STAC: variants seen among roughly 807,000 people sequenced by gnomAD.
STAC encodes SH3 and cysteine-rich domain-containing protein.
Under a neutral mutation model 48.8 loss-of-function variants are expected in STAC, and 43 were observed. The ratio of observed to expected loss-of-function variants is 0.88; its 90% CI spans 0.69 to 1.14. STAC has a LOEUF of 1.14. Ranked by LOEUF, STAC falls within the 50% of genes most tolerant of loss-of-function variation. The pLI is 0.00. For synonymous variants in STAC, 193 were observed against 179.5 expected (o/e 1.07, Z -0.60); for missense variants, 497 against 504.0 (o/e 0.99, Z 0.13).
intron 1 of STAC, among the ~76,000 whole-genome samples, chr3:36,389,395 C>T (rs1003951807): frequency 6.6e-6 from 1 of 152,006 alleles, no homozygotes; most frequent in African/African-American, 2.4e-5. Flanking sequence ...TTTATAAGGG[C>T]ACTAATCCGA....
At chr3:36,420,218 A>G (rs1700416969) in intron 1 of STAC, among the ~76,000 whole-genome samples, 1 of 152,166 alleles carries the variant, frequency 6.6e-6, no homozygotes, top group Admixed American at 6.5e-5. Flanking sequence ...CAGAAGATTA[A>G]AAGAACTGTA....
At chr3:36,462,865 G>A (rs1244439886) in intron 2 of STAC, among the ~76,000 whole-genome samples, 2 of 152,082 alleles carry the variant, frequency 1.3e-5, no homozygotes, top group Non-Finnish European at 2.9e-5. Context: ...TTATAATAGG[G>A]AAGTACCCTT....
intron 1 of STAC, among the ~76,000 whole-genome samples, chr3:36,442,739 TACACACACACACAC>T (rs10528748): frequency 0.035 from 4,662 of 133,370 alleles, 95 homozygotes; most frequent in East Asian, 0.059. Flanking sequence ...TCCTATGTCC[TACACACACACACAC>T]ACACACACAC....
At chr3:36,533,779 T>C (rs1318205009) in intron 10 of STAC, among the ~76,000 whole-genome samples, 2 of 152,096 alleles carry the variant, frequency 1.3e-5, no homozygotes, top group African/African-American at 2.4e-5. Context: ...TTCAGCCTCT[T>C]CAGCTAGACA....
chr3:36,407,630 A>G (rs1240550704), intron 1 of STAC, among the ~76,000 whole-genome samples: 2 of 152,236 alleles, frequency 1.3e-5, no homozygotes, highest in African/African-American at 4.8e-5. Context: ...CATTGTATTT[A>G]GCTAAGGTAA....
At chr3:36,491,441 GATTAA>G (rs1338771931) in intron 5 of STAC, among the ~76,000 whole-genome samples, 2 of 152,198 alleles carry the variant, frequency 1.3e-5, no homozygotes, top group African/African-American at 4.8e-5. Flanking sequence ...AGTTTCATAA[GATTAA>G]ATTAACAAAT....
chr3:36,474,294 T>A (rs1323755670), intron 2 of STAC, among the ~76,000 whole-genome samples: 1 of 152,220 alleles, frequency 6.6e-6, no homozygotes. Context: ...GCCAGGATAG[T>A]TGCAGCCCCA....
chr3:36,399,586 T>G (rs944677434), intron 1 of STAC, among the ~76,000 whole-genome samples: 1 of 152,232 alleles, frequency 6.6e-6, no homozygotes, highest in Admixed American at 6.5e-5. Context: ...TTTGGCCAAT[T>G]TAAAGTGCTG....
At position 36,483,926 on chromosome 3, in the gene STAC, G is replaced by C. The variant is rs114844146; in HGVS notation, c.489+834G>C. Among the ~76,000 whole-genome samples the C allele has an allele frequency of 6.8e-3, 1,041 of 152,276 alleles. 10 individuals are homozygous for C. Among genetic ancestry groups the C allele is most frequent in the African/African-American group, 0.024 (992 of 41,536 alleles). On this transcript the variant is annotated intron_variant, in intron 3 of 10. Transcript: ENST00000273183. Reference sequence around the variant, plus strand: ...TTATTGCGCAACTGTACTCTAGCTTGGGTGACAGTGAGAACCTGTCTCAAA... The same window carrying C: ...TTATTGCGCAACTGTACTCTAGCTTCGGTGACAGTGAGAACCTGTCTCAAA...
chr3:36,390,802 CTT>C (rs1274044811), intron 1 of STAC, among the ~76,000 whole-genome samples: 2 of 152,054 alleles, frequency 1.3e-5, no homozygotes, highest in East Asian at 3.8e-4. Context: ...ATAATACTCT[CTT>C]TGAATGTTTA....
chr3:36,457,036 C>T (rs549635478), intron 2 of STAC, among the ~76,000 whole-genome samples: 2 of 152,298 alleles, frequency 1.3e-5, no homozygotes, highest in East Asian at 3.9e-4. Context: ...CGAAGAATTA[C>T]GATCATGCTG....
rs1553631457 is a variant in STAC, at chr3:36,398,324, A to AAAGAAAGC, written c.111+17577_111+17578insCAAGAAAG. On this transcript the variant is annotated intron_variant, in intron 1 of 10. Transcript: ENST00000273183. ...GAAAGAAAGAAAGAAAGAAAGCAAG[A>AAAGAAAGC]AAGAAAGAAAGAAAGAAAGAAAGAA... is the stretch of plus-strand genomic sequence containing the variant. Among the ~76,000 whole-genome samples, 14 of 95,694 alleles carry AAAGAAAGC rather than the reference A, an allele frequency of 1.5e-4. No individual in the cohort carries two copies. The East Asian group carries it at 2.1e-3, about 14-fold the overall frequency. 62.8% of individuals were successfully genotyped at this position (95,694 alleles called of 152,430 possible).
At chr3:36,487,987 A>G (rs2045191887) in intron 5 of STAC, among the ~76,000 whole-genome samples, 1 of 152,252 alleles carries the variant, frequency 6.6e-6, no homozygotes, top group Non-Finnish European at 1.5e-5. Context: ...TTATATGTAA[A>G]TAAAGGCTGC....
chr3:36,452,524 T>G (rs1696712569), intron 2 of STAC, among the ~76,000 whole-genome samples: 1 of 152,202 alleles, frequency 6.6e-6, no homozygotes, highest in Non-Finnish European at 1.5e-5. Flanking sequence ...CGGGACCTAT[T>G]TAATAGTTGG....
chr3:36,545,916 G>T (rs1039925535), intron 10 of STAC, among the ~76,000 whole-genome samples: 7 of 152,172 alleles, frequency 4.6e-5, no homozygotes, highest in Non-Finnish European at 1.0e-4. Flanking sequence ...TCTTCAGAGG[G>T]TCACAGTACT....
In STAC at chr3:36,547,940, C is replaced by T. The variant is rs1022267699; in HGVS notation, c.*1651C>T. On this transcript the variant is annotated 3_prime_UTR_variant, in exon 11 of 11. Coordinates refer to ENST00000273183, the MANE Select transcript of STAC (RefSeq NM_003149.3). ...TAAAATTGGATGCCTAGTACAAATGCTCTTTGCCTCTAATTCAGTATTCCA... is the reference window on the plus strand; with the variant it reads ...TAAAATTGGATGCCTAGTACAAATGTTCTTTGCCTCTAATTCAGTATTCCA... The T allele has an allele frequency of 2.6e-5, 4 of 152,164 alleles. No homozygotes were observed. Among genetic ancestry groups the T allele is most frequent in the African/African-American group, 9.7e-5 (4 of 41,450 alleles). 9.4% of individuals were successfully genotyped at this position (152,164 alleles called of 1,614,324 possible). A position where few individuals can be genotyped will look rare whatever the true frequency, so the allele number is the denominator to read the frequency against.
At chr3:36,526,666 T>G (rs1698943718) in intron 8 of STAC, among the ~76,000 whole-genome samples, 1 of 152,158 alleles carries the variant, frequency 6.6e-6, no homozygotes, top group Non-Finnish European at 1.5e-5. Context: ...ACCGCATTAC[T>G]ACTTATAATG....
intron 10 of STAC, among the ~76,000 whole-genome samples, chr3:36,530,548 A>G (rs573139328): frequency 6.6e-6 from 1 of 150,578 alleles, no homozygotes; most frequent in Non-Finnish European, 1.5e-5. Flanking sequence ...AAACTAACAA[A>G]TATATCCTCA....
chr3:36,458,074 T>C (rs1696901498), intron 2 of STAC, among the ~76,000 whole-genome samples: 1 of 152,246 alleles, frequency 6.6e-6, no homozygotes, highest in South Asian at 2.1e-4. Context: ...GTGGGGAACA[T>C]AGGCAGGGAA....
Sources: allele counts gnomAD v4.1 joint callset (sites outside exome capture counted in the v4.1 genomes callset), GRCh38; gene constraint gnomAD v4.1.1; transcripts MANE v1.5; gene names NCBI Gene and HGNC (gene_info 2026-07-23, HGNC 2026-07-21).